WDR36: variants seen among roughly 807,000 people sequenced by gnomAD.
WDR36 encodes the protein WD repeat domain 36.
In WDR36, 63 loss-of-function variants were observed where a neutral mutation model predicts 112.7. The ratio of observed to expected loss-of-function variants is 0.56; its 90% CI spans 0.46 to 0.69. WDR36 has a LOEUF of 0.69. Ranked by LOEUF, WDR36 falls within the 30% of genes least tolerant of loss-of-function variation. The pLI, the probability that WDR36 is intolerant of heterozygous loss-of-function variation, is 0.00. For missense variants in WDR36, 1,226 were observed against 1,070.3 expected (o/e 1.15, Z -2.03); for synonymous variants, 410 against 362.2 (o/e 1.13, Z -1.50).
intron 4 of WDR36, 129 bp from the exon 5 acceptor site, chr5:111,100,460 C>CT (rs1476167782): frequency 1.7e-6 from 1 of 588,630 alleles, no homozygotes. Context: ...AGATTAGTAT[C>CT]TAAGTCTGTG....
chr5:111,104,407 A>G, intron 8 of WDR36, 55 bp downstream of exon 8: 1 of 1,604,878 alleles, frequency 6.2e-7, no homozygotes, highest in Non-Finnish European at 8.5e-7. Context: ...CCTTTGGGTT[A>G]TTACAAGCTT....
chr5:111,104,408 T>C lies in WDR36; in HGVS notation c.906+56T>C, dbSNP rs1043959280. ...CTCATCTAACTTACCCTTTGGGTTA[T>C]TACAAGCTTGTTTTAATGTATCAGC... On this transcript the variant is annotated intron_variant, in intron 8 of 22. Transcript: ENST00000513710. 3.9e-5 allele frequency: 62 copies of C among 1,602,462 alleles called. No homozygotes were observed. The Middle Eastern group carries it at 4.1e-3, about 107-fold the overall frequency.
intron 12 of WDR36, 60 bp downstream of exon 12, chr5:111,107,499 T>C (rs1007867766): frequency 6.3e-7 from 1 of 1,584,668 alleles, no homozygotes; most frequent in African/African-American, 1.3e-5. Flanking sequence ...GAAATCTTGT[T>C]ATACTCAAGG....
intron 1 of WDR36, among the ~76,000 whole-genome samples, chr5:111,093,490 G>A (rs752911258): frequency 3.9e-5 from 6 of 152,178 alleles, no homozygotes; most frequent in Non-Finnish European, 8.8e-5. Context: ...AGTGGAAAAG[G>A]AAAGTGAGGG....
intron 3 of WDR36, 66 bp from the exon 4 acceptor site, chr5:111,098,653 GATA>G: frequency 9.6e-7 from 1 of 1,046,936 alleles, no homozygotes; most frequent in Non-Finnish European, 1.5e-6. Flanking sequence ...ATGTTTTTGG[GATA>G]ATATGAATAA....
rs1164430666 is a variant in WDR36 at position 111,127,176 on chromosome 5, A to C, written c.*293A>C. The C allele has an allele frequency of 3.7e-6, 1 of 271,582 alleles. No homozygotes were observed. Among genetic ancestry groups the C allele is most frequent in the Non-Finnish European group, 6.9e-6 (1 of 145,024 alleles). The allele number at this position is 271,582 out of a possible 1,614,324, so 16.8% of individuals were successfully genotyped here. A position where few individuals can be genotyped will look rare whatever the true frequency, so the allele number is the denominator to read the frequency against. On this transcript the variant is annotated 3_prime_UTR_variant, in exon 23 of 23. Transcript: ENST00000513710. ...ACATAGCAAGCAAGATCCCATCTCTACAAAAAGTTAAAAAAATAAATTACA... is the reference window on the plus strand; with the variant it reads ...ACATAGCAAGCAAGATCCCATCTCTCCAAAAAGTTAAAAAAATAAATTACA...
chr5:111,117,609 A>G (rs937392548), intron 16 of WDR36, among the ~76,000 whole-genome samples: 18 of 152,160 alleles, frequency 1.2e-4, no homozygotes, highest in African/African-American at 4.3e-4. Context: ...GAGTTTTCAA[A>G]TCTTACTGGG....
rs753616245 is a variant in WDR36 at position 111,094,929 on chromosome 5, CTT to C, written c.173_174del (p.Leu58GlnfsTer7). ...TTTCTTTTTTAAACAGGTTCAGAAA[CTT>C]AGTCTGGTTGCAGTAAGTAAGTATG... ...KSFHTYDVQK[L>X]SLVAVSNSVP... is the part of the protein sequence containing the mutation. On this transcript the variant is annotated frameshift_variant, in exon 2 of 23. Transcript: ENST00000513710. LOFTEE classifies it high-confidence loss of function. 1.9e-6 allele frequency: 3 copies of C among 1,605,998 alleles called. No homozygotes were observed. The highest frequency in any genetic ancestry group is 1.3e-5 in the African/African-American group (1 of 74,932).
chr5:111,122,695 A>G (rs368322147), intron 19 of WDR36, among the ~76,000 whole-genome samples: 4 of 152,278 alleles, frequency 2.6e-5, no homozygotes, highest in East Asian at 1.9e-4. Flanking sequence ...ATTTTATACC[A>G]TGGCTTCCCT....
intron 13 of WDR36, among the ~76,000 whole-genome samples, chr5:111,110,559 A>G (rs1753310754): frequency 6.6e-6 from 1 of 151,526 alleles, no homozygotes; most frequent in Non-Finnish European, 1.5e-5. Flanking sequence ...GAAAATCTTA[A>G]CAAACTTTTC....
intron 4 of WDR36, among the ~76,000 whole-genome samples, chr5:111,099,463 G>GTTTTTTTTTTTTTTTTT (rs67437234): frequency 2.4e-5 from 2 of 84,968 alleles, no homozygotes; most frequent in African/African-American, 4.5e-5. Flanking sequence ...TTTTTTTTTT[G>GTTTTTTTTTTTTTTTTT]TTTTTTTTTT....
At position 111,129,501 on chromosome 5, in the gene WDR36, A is replaced by G. The variant is rs1381634714; in HGVS notation, c.*2618A>G. ...AAGATGGACATATTTTTGTATGTTT[A>G]TTTTAGAACATATAAACATTTGTTA... is the stretch of plus-strand genomic sequence containing the variant. On this transcript the variant is annotated 3_prime_UTR_variant, in exon 23 of 23. Coordinates refer to ENST00000513710, the MANE Select transcript of WDR36 (RefSeq NM_139281.3). 1 of 194,028 alleles carries G rather than the reference A, an allele frequency of 5.2e-6. No individual in the cohort carries two copies. Among genetic ancestry groups the G allele is most frequent in the African/African-American group, 2.3e-5 (1 of 43,180 alleles). The allele number at this position is 194,028 out of a possible 1,614,324, so 12.0% of individuals were successfully genotyped here. A position where few individuals can be genotyped will look rare whatever the true frequency, so the allele number is the denominator to read the frequency against.
At chr5:111,108,496 G>T (rs1183705909) in intron 12 of WDR36, among the ~76,000 whole-genome samples, 4 of 151,198 alleles carry the variant, frequency 2.6e-5, no homozygotes, top group African/African-American at 4.8e-5. Context: ...TGAAAATCCA[G>T]TCTTAAGCTT....
rs765550580 is a variant in WDR36 at position 111,092,518 on chromosome 5, G to C, written c.62G>C (p.Gly21Ala). The C allele has an allele frequency of 6.2e-7, 1 of 1,614,254 alleles. No homozygotes were observed. Among genetic ancestry groups the C allele is most frequent in the Non-Finnish European group, 8.5e-7 (1 of 1,180,044 alleles). ...CTTTTTGCGGGGTTCCGGGCCTTGG[G>C]ACTTTTCAGCAACGACATTCCACAC... ...SALFAGFRALGLFSNDIPHVV... is the reference protein window; with the variant it reads ...SALFAGFRALALFSNDIPHVV... Residue 21 changes from glycine (G) to alanine (A), a missense_variant, in exon 1 of 23, where the codon GGA becomes GCA. Transcript: ENST00000513710.
At chr5:111,104,008 A>T in intron 7 of WDR36, 90 bp downstream of exon 7, 1 of 1,527,200 alleles carries the variant, frequency 6.5e-7, no homozygotes, top group Non-Finnish European at 8.9e-7. Context: ...TGGTAGCTTA[A>T]TCTAATAGAA....
chr5:111,125,898 T>G, intron 22 of WDR36, 103 bp downstream of exon 22: 1 of 1,191,858 alleles, frequency 8.4e-7, no homozygotes, highest in East Asian at 2.4e-5. Context: ...ATCCATCCTT[T>G]CCAGTATCAT....
At chr5:111,110,975 A>AT in intron 14 of WDR36, 22 bp downstream of exon 14, 1 of 1,609,808 alleles carries the variant, frequency 6.2e-7, no homozygotes, top group Non-Finnish European at 8.5e-7. Context: ...ATGATAATGG[A>AT]TTTTCTCTTT....
intron 8 of WDR36, 91 bp downstream of exon 8, chr5:111,104,443 A>G: frequency 6.5e-7 from 1 of 1,533,492 alleles, no homozygotes; most frequent in Middle Eastern, 1.7e-4. Context: ...CTTTCAACCT[A>G]GAAGATGAAA....
At chr5:111,118,787 A>C (rs189602003) in intron 16 of WDR36, among the ~76,000 whole-genome samples, 1 of 152,186 alleles carries the variant, frequency 6.6e-6, no homozygotes, top group Non-Finnish European at 1.5e-5. Context: ...CCAGTTAGTC[A>C]GTCTAGTTAA....
Sources: gnomAD v4.1 joint callset for allele counts (sites outside exome capture counted in the v4.1 genomes callset) on GRCh38, gnomAD v4.1.1 for gene constraint, MANE v1.5 for transcripts, NCBI Gene and HGNC (gene_info 2026-07-23, HGNC 2026-07-21) for gene names.